Variants in GNA12 observed in about 807,000 individuals in gnomAD.
The protein encoded by GNA12 is G protein subunit alpha 12.
In GNA12, 9 loss-of-function variants were observed where a neutral mutation model predicts 26.0. The observed-to-expected ratio is 0.35, with a 90% CI of 0.21 to 0.60. The LOEUF is 0.60. Among genes scored for constraint, GNA12 ranks in the 20% least tolerant of loss-of-function variants. The pLI, the probability that GNA12 is intolerant of heterozygous loss-of-function variation, is 0.78. For missense variants in GNA12, 405 were observed against 525.8 expected (o/e 0.77, Z 2.25); for synonymous variants, 264 against 219.6 (o/e 1.20, Z -1.79).
intron 2 of GNA12, among the ~76,000 whole-genome samples, chr7:2,754,125 G>T (rs1382411476): frequency 6.6e-6 from 1 of 152,154 alleles, no homozygotes; most frequent in Non-Finnish European, 1.5e-5. Context: ...ATCCTCACCA[G>T]CATTTGTTAT....
chr7:2,822,554 A>T (rs1307665395), intron 1 of GNA12, among the ~76,000 whole-genome samples: 1 of 152,146 alleles, frequency 6.6e-6, no homozygotes, highest in East Asian at 1.9e-4. Context: ...GATCAGCCTC[A>T]ATCAACAAAA....
intron 1 of GNA12, among the ~76,000 whole-genome samples, chr7:2,814,150 C>G (rs1471170830): frequency 6.6e-6 from 1 of 152,166 alleles, no homozygotes; most frequent in Non-Finnish European, 1.5e-5. Context: ...GCTTGCCACA[C>G]AGAACATGGG....
chr7:2,768,666 TA>T (rs924965749), intron 2 of GNA12, among the ~76,000 whole-genome samples: 23 of 91,826 alleles, frequency 2.5e-4, no homozygotes, highest in African/African-American at 5.7e-4. Context: ...GCTCTCAAGG[TA>T]AAAAAAAAAC....
At chr7:2,835,882 G>A (rs1210878918) in intron 1 of GNA12, 2 of 570,304 alleles carry the variant, frequency 3.5e-6, no homozygotes, top group Non-Finnish European at 6.6e-6. Flanking sequence ...GGAAATGTTA[G>A]AAGCAGCAAA....
intron 2 of GNA12, among the ~76,000 whole-genome samples, chr7:2,780,382 G>A (rs1284054886): frequency 6.6e-6 from 1 of 151,678 alleles, no homozygotes; most frequent in Non-Finnish European, 1.5e-5. Context: ...AATTATTATT[G>A]TAAATTATAA....
At chr7:2,824,818 C>T (rs898889119) in intron 1 of GNA12, among the ~76,000 whole-genome samples, 1 of 152,178 alleles carries the variant, frequency 6.6e-6, no homozygotes, top group Non-Finnish European at 1.5e-5. Context: ...TAGCTGAGGG[C>T]CGGTGGCAGC....
At chr7:2,749,816 C>A (rs1371005247) in intron 2 of GNA12, among the ~76,000 whole-genome samples, 1 of 152,018 alleles carries the variant, frequency 6.6e-6, no homozygotes, top group Non-Finnish European at 1.5e-5. Context: ...AGGAAAGAAT[C>A]AGTGACCACT....
intron 2 of GNA12, among the ~76,000 whole-genome samples, chr7:2,752,734 G>GT (rs1435054019): frequency 9.9e-5 from 15 of 151,750 alleles, no homozygotes; most frequent in African/African-American, 3.1e-4. Context: ...TTTTTTTGCC[G>GT]TAACTTTTCA....
At chr7:2,814,504 C>G in intron 1 of GNA12, 1 of 747,742 alleles carries the variant, frequency 1.3e-6, no homozygotes, top group Non-Finnish European at 2.3e-6. Flanking sequence ...AGACACAAAC[C>G]AAGACTTTGA....
chr7:2,830,528 A>G (rs1445171241), intron 1 of GNA12, among the ~76,000 whole-genome samples: 1 of 152,174 alleles, frequency 6.6e-6, no homozygotes, highest in Non-Finnish European at 1.5e-5. Context: ...CCTGGAGGGA[A>G]TCTACAGGGC....
At chr7:2,841,315 A>C (rs1168371194) in intron 1 of GNA12, among the ~76,000 whole-genome samples, 1 of 152,224 alleles carries the variant, frequency 6.6e-6, no homozygotes, top group Non-Finnish European at 1.5e-5. Context: ...TTTAGATTTC[A>C]GATTCTATGT....
intron 2 of GNA12, among the ~76,000 whole-genome samples, chr7:2,786,702 T>C (rs917968036): frequency 2.0e-5 from 3 of 152,216 alleles, no homozygotes; most frequent in Admixed American, 6.5e-5. Context: ...ACTAATCGAA[T>C]GCTTGAGAAG....
At chr7:2,791,163 A>G (rs1017243838) in intron 2 of GNA12, among the ~76,000 whole-genome samples, 3 of 152,224 alleles carry the variant, frequency 2.0e-5, no homozygotes, top group Non-Finnish European at 4.4e-5. Flanking sequence ...GATAATATTT[A>G]TATTAGTTAT....
At chr7:2,751,421 T>G (rs539398419) in intron 2 of GNA12, among the ~76,000 whole-genome samples, 1 of 145,494 alleles carries the variant, frequency 6.9e-6, no homozygotes, top group African/African-American at 2.5e-5. Context: ...AAACAGCTTA[T>G]AGAAGAGAAA....
At chr7:2,755,602 T>G (rs932245868) in intron 2 of GNA12, among the ~76,000 whole-genome samples, 13 of 152,254 alleles carry the variant, frequency 8.5e-5, no homozygotes, top group African/African-American at 3.1e-4. Context: ...TCTTGTATCC[T>G]GTAGCCTTGC....
At chr7:2,792,082 C>G (rs1394118755) in intron 2 of GNA12, among the ~76,000 whole-genome samples, 1 of 152,204 alleles carries the variant, frequency 6.6e-6, no homozygotes, top group East Asian at 1.9e-4. Flanking sequence ...TACTGACCCA[C>G]CTGTGGCCAC....
At chr7:2,754,512 G>A (rs1791196612) in intron 2 of GNA12, among the ~76,000 whole-genome samples, 1 of 151,946 alleles carries the variant, frequency 6.6e-6, no homozygotes, top group African/African-American at 2.4e-5. Flanking sequence ...GGAGGCCAGG[G>A]CAGGAAGATC....
intron 1 of GNA12, chr7:2,835,928 C>T: frequency 1.9e-6 from 1 of 533,056 alleles, no homozygotes; most frequent in Non-Finnish European, 3.6e-6. Context: ...GCCTTAGAAT[C>T]CAAAGTCGAA....
intron 1 of GNA12, among the ~76,000 whole-genome samples, chr7:2,832,851 G>C (rs1477463795): frequency 1.3e-5 from 2 of 152,172 alleles, no homozygotes; most frequent in African/African-American, 2.4e-5. Flanking sequence ...CTAGCTGCTT[G>C]CAAGAGCTCC....
Sources: gnomAD v4.1 joint callset for allele counts (sites outside exome capture counted in the v4.1 genomes callset) on GRCh38, gnomAD v4.1.1 for gene constraint, MANE v1.5 for transcripts, NCBI Gene and HGNC (gene_info 2026-07-23, HGNC 2026-07-21) for gene names.